Variants in L3MBTL4 observed in about 807,000 individuals in gnomAD.
L3MBTL4 encodes L3MBTL histone methyl-lysine binding protein 4, also known as lethal(3)malignant brain tumor-like protein 4.
Under a neutral mutation model 84.5 loss-of-function variants are expected in L3MBTL4, and 70 were observed. The ratio of observed to expected loss-of-function variants is 0.83; its 90% CI spans 0.68 to 1.01. The LOEUF (loss-of-function observed/expected upper bound fraction) is 1.01. Among genes scored for constraint, L3MBTL4 ranks in the 50% least tolerant of loss-of-function variants. The pLI is 0.00. For synonymous variants in L3MBTL4, 274 were observed against 259.8 expected, an observed-to-expected ratio of 1.05 and a Z score of -0.52; for missense variants, 715 against 754.8, an observed-to-expected ratio of 0.95 and a Z score of 0.62.
At chr18:6,394,398 G>T (rs1277917407) in intron 1 of L3MBTL4, among the ~76,000 whole-genome samples, 2 of 152,146 alleles carry the variant, frequency 1.3e-5, no homozygotes, top group African/African-American at 4.8e-5. Context: ...AACCCAGGAG[G>T]TGGAGGTTGC....
At chr18:6,136,220 G>T (rs560710695) in intron 14 of L3MBTL4, among the ~76,000 whole-genome samples, 37 of 152,166 alleles carry the variant, frequency 2.4e-4, no homozygotes, top group Non-Finnish European at 4.6e-4. Context: ...GTTGAGATTT[G>T]AGTGAGGATA....
At chr18:6,264,110 T>C (rs1342602295) in intron 4 of L3MBTL4, 72 bp from the exon 5 acceptor site, 1 of 1,139,078 alleles carries the variant, frequency 8.8e-7, no homozygotes. Flanking sequence ...TACTTGACAA[T>C]AAACTCAAGA....
At chr18:6,371,970 C>T (rs749797302) in intron 1 of L3MBTL4, among the ~76,000 whole-genome samples, 1 of 152,196 alleles carries the variant, frequency 6.6e-6, no homozygotes, top group Non-Finnish European at 1.5e-5. Flanking sequence ...ATACATGTCA[C>T]AACTCAGAAC....
intron 12 of L3MBTL4, among the ~76,000 whole-genome samples, chr18:6,178,759 A>G (rs1475945805): frequency 2.6e-5 from 4 of 152,208 alleles, no homozygotes; most frequent in Non-Finnish European, 5.9e-5. Flanking sequence ...TAAAAGTTAG[A>G]TCAGCATATT....
chr18:6,322,074 A>G (rs2051432786), intron 1 of L3MBTL4, among the ~76,000 whole-genome samples: 1 of 151,246 alleles, frequency 6.6e-6, no homozygotes, highest in South Asian at 2.1e-4. Context: ...AAAGGAAATA[A>G]GGATGGGCAT....
At position 6,238,036 on chromosome 18, in the gene L3MBTL4, C is replaced by T. The variant is rs371583101; in HGVS notation, c.712G>A (p.Asp238Asn). ...GGCTGGACATAAGGGCTATTAACATCGCACCTGCAAAAACAGAGCTCTATA... is the reference window on the plus strand; with the variant it reads ...GGCTGGACATAAGGGCTATTAACATTGCACCTGCAAAAACAGAGCTCTATA... Reference protein sequence around the residue: ...NWDDSYDYWCDVNSPYVQPVG... With the variant: ...NWDDSYDYWCNVNSPYVQPVG... Residue 238 changes from aspartate (D) to asparagine (N), a missense_variant, in exon 10 of 19, where the codon GAT becomes AAT. Asp to Asn is a conservative substitution (Grantham distance 23). Transcript: ENST00000317931. 1.2e-6 allele frequency: 2 copies of T among 1,613,922 alleles called. No individual in the cohort carries two copies. Among genetic ancestry groups the T allele is most frequent in the Non-Finnish European group, 1.7e-6 (2 of 1,179,840 alleles).
chr18:6,160,413 T>A (rs544218738), intron 13 of L3MBTL4, among the ~76,000 whole-genome samples: 1 of 152,130 alleles, frequency 6.6e-6, no homozygotes, highest in African/African-American at 2.4e-5. Flanking sequence ...GCCTGCAGAT[T>A]CCAGAGGTCA....
intron 14 of L3MBTL4, among the ~76,000 whole-genome samples, chr18:6,105,183 ATTTTTTTTTT>A (rs869169400): frequency 2.0e-5 from 2 of 100,424 alleles, no homozygotes; most frequent in Non-Finnish European, 3.7e-5. Flanking sequence ...AACACCACCA[ATTTTTTTTTT>A]TTTTTTTTTT....
chr18:6,036,941 T>C (rs2056168798), intron 16 of L3MBTL4, among the ~76,000 whole-genome samples: 1 of 152,192 alleles, frequency 6.6e-6, no homozygotes, highest in Non-Finnish European at 1.5e-5. Context: ...TGTTTTAGTC[T>C]TTAATGTCTG....
At chr18:6,293,278 G>C (rs1459823409) in intron 4 of L3MBTL4, among the ~76,000 whole-genome samples, 3 of 152,074 alleles carry the variant, frequency 2.0e-5, no homozygotes, top group Non-Finnish European at 4.4e-5. Flanking sequence ...CATAAAAAGA[G>C]CCACAGCTCT....
chr18:6,086,867 T>C (rs2058276773), intron 15 of L3MBTL4, among the ~76,000 whole-genome samples: 1 of 152,072 alleles, frequency 6.6e-6, no homozygotes, highest in African/African-American at 2.4e-5. Context: ...CACCTCCACA[T>C]CCCTAGCACC....
intron 16 of L3MBTL4, among the ~76,000 whole-genome samples, chr18:6,063,243 T>C (rs1349241106): frequency 6.6e-6 from 1 of 151,760 alleles, no homozygotes; most frequent in African/African-American, 2.4e-5. Flanking sequence ...CATTGGTCAA[T>C]GGCACTTAGG....
rs1419949179 is a variant in L3MBTL4 at position 6,171,914 on chromosome 18, T to A, written c.1010A>T (p.Tyr337Phe). 6.4e-7 allele frequency: 1 copy of A among 1,555,172 alleles called. No homozygotes were observed. Among genetic ancestry groups the A allele is most frequent in the East Asian group, 2.4e-5 (1 of 41,894 alleles). The change falls in exon 13 of 19, where the codon TAT (tyrosine) becomes TTT (phenylalanine). Residue 337 changes from tyrosine (Y) to phenylalanine (F), a missense_variant. Tyr to Phe is a conservative substitution (Grantham distance 22). Transcript: ENST00000317931. The stretch of plus-strand genomic sequence containing the variant: ...GCTGTCTGCCTCCACCCAGTAGTCA[T>A]ACTTATGGTCCCAACCATCAAAATG... ...KVHFDGWDHKYDYWVEADSPD... is the reference protein window; with the variant it reads ...KVHFDGWDHKFDYWVEADSPD...
chr18:6,036,601 T>C (rs1243901113), intron 16 of L3MBTL4, among the ~76,000 whole-genome samples: 1 of 152,200 alleles, frequency 6.6e-6, no homozygotes, highest in African/African-American at 2.4e-5. Flanking sequence ...CTCATCAGGC[T>C]CTTTTTCAGG....
chr18:6,353,496 G>T (rs1488635700), intron 1 of L3MBTL4, among the ~76,000 whole-genome samples: 1 of 151,936 alleles, frequency 6.6e-6, no homozygotes, highest in Non-Finnish European at 1.5e-5. Context: ...TTTCTTAAAA[G>T]ATTTTTACTA....
At chr18:6,196,438 T>A (rs757447864) in intron 12 of L3MBTL4, among the ~76,000 whole-genome samples, 6 of 152,152 alleles carry the variant, frequency 3.9e-5, no homozygotes, top group South Asian at 2.1e-4. Context: ...ATTACAGGCA[T>A]GAGCCACCGT....
intron 10 of L3MBTL4, among the ~76,000 whole-genome samples, chr18:6,224,730 G>A (rs1416920339): frequency 2.0e-5 from 3 of 151,998 alleles, no homozygotes; most frequent in Non-Finnish European, 4.4e-5. Flanking sequence ...ATGTTATTTG[G>A]GGGTGTAGAA....
intron 1 of L3MBTL4, among the ~76,000 whole-genome samples, chr18:6,323,117 C>T (rs1311903050): frequency 6.6e-6 from 1 of 152,172 alleles, no homozygotes; most frequent in African/African-American, 2.4e-5. Context: ...TTTCCTGAGG[C>T]CTCCCCAGAA....
chr18:6,204,557 C>A (rs2045790661), intron 12 of L3MBTL4, among the ~76,000 whole-genome samples: 1 of 152,178 alleles, frequency 6.6e-6, no homozygotes, highest in Admixed American at 6.5e-5. Flanking sequence ...TACATAGATA[C>A]ACATTAAAAC....
Sources: allele counts gnomAD v4.1 joint callset (sites outside exome capture counted in the v4.1 genomes callset), GRCh38; gene constraint gnomAD v4.1.1; transcripts MANE v1.5; gene names NCBI Gene and HGNC (gene_info 2026-07-23, HGNC 2026-07-21).